Variants in DOCK9 observed in about 807,000 individuals in gnomAD.
DOCK9 encodes the protein dedicator of cytokinesis protein 9.
Under a neutral mutation model 263.3 loss-of-function variants are expected in DOCK9, and 89 were observed. That is an observed-to-expected ratio of 0.34 (90% CI 0.28 to 0.40). DOCK9 has a LOEUF of 0.40. Among genes scored for constraint, DOCK9 ranks in the 10% least tolerant of loss-of-function variants. The probability of loss-of-function intolerance (pLI) is 1.00; values close to 1 mark genes in which losing one functional copy is unlikely to be tolerated. For synonymous variants in DOCK9, 976 were observed against 973.1 expected (o/e 1.00, Z -0.06); for missense variants, 2,140 against 2,603.4 (o/e 0.82, Z 3.87).
chr13:98,967,882 T>C (rs1229126918), intron 1 of DOCK9, among the ~76,000 whole-genome samples: 1 of 152,226 alleles, frequency 6.6e-6, no homozygotes, highest in Non-Finnish European at 1.5e-5. Context: ...TTAAGTAGTA[T>C]GTAATTTATA....
chr13:98,800,280 T>A lies in DOCK9; in HGVS notation c.5916+8A>T. 6.3e-7 allele frequency: 1 copy of A among 1,589,846 alleles called. No individual in the cohort carries two copies. ...CTGCTGCCCTCCGGCCTGCTGTGCC[T>A]GGCTCACCTGAACACTCACGCTGCC... On this transcript the variant is annotated splice_region_variant and intron_variant, in intron 50 of 52. Coordinates refer to ENST00000682017, the MANE Select transcript of DOCK9 (RefSeq NM_001366683.2).
Position 98,928,662 on chromosome 13 carries a change from A to G in DOCK9, c.333+1506T>C, listed in dbSNP as rs115179092. Reference sequence around the variant, plus strand: ...TATTTTCAGCTTTGAGGGTCATATTATCTCTACTTAACTTTGAGTTGCATG... The same window carrying G: ...TATTTTCAGCTTTGAGGGTCATATTGTCTCTACTTAACTTTGAGTTGCATG... On this transcript the variant is annotated intron_variant, in intron 3 of 52. Coordinates refer to ENST00000682017, the MANE Select transcript of DOCK9 (RefSeq NM_001366683.2). 1.7e-3 allele frequency among the ~76,000 whole-genome samples: 266 copies of G among 152,360 alleles called. 1 individual carries two copies. Among genetic ancestry groups the G allele is most frequent in the African/African-American group, 6.2e-3 (258 of 41,588 alleles).
At chr13:99,015,619 TG>T in intron 1 of DOCK9, 1 of 1,581,496 alleles carries the variant, frequency 6.3e-7, no homozygotes, top group Non-Finnish European at 8.5e-7. Context: ...CCCCAAGGTG[TG>T]GATGTTCAGT....
intron 1 of DOCK9, among the ~76,000 whole-genome samples, chr13:98,974,165 G>C (rs372142740): frequency 6.6e-6 from 1 of 152,106 alleles, no homozygotes; most frequent in Non-Finnish European, 1.5e-5. Flanking sequence ...AGTTTTGAAG[G>C]GGGGTGGCGG....
intron 38 of DOCK9, among the ~76,000 whole-genome samples, chr13:98,840,410 C>CCG (rs1169086980): frequency 2.6e-5 from 4 of 152,174 alleles, no homozygotes; most frequent in African/African-American, 9.7e-5. Context: ...GACACACATG[C>CCG]CCCGGGATGC....
intron 1 of DOCK9, among the ~76,000 whole-genome samples, chr13:98,974,487 C>T (rs1398042662): frequency 5.3e-5 from 8 of 152,074 alleles, no homozygotes. Context: ...CAGTGGCTCA[C>T]ACCTGTAATC....
At position 99,074,375 on chromosome 13, in the gene DOCK9, G is replaced by C. The variant is rs981105412; in HGVS notation, c.129+11848C>G. 5.3e-5 allele frequency among the ~76,000 whole-genome samples: 8 copies of C among 152,138 alleles called. No homozygotes were observed. In the East Asian group the frequency reaches 1.5e-3, roughly 29 times the overall value. ...TCCAATGGTGTTATTCAATGTCTATGGTATTACACTGAACATCATATACAA... is the reference window on the plus strand; with the variant it reads ...TCCAATGGTGTTATTCAATGTCTATCGTATTACACTGAACATCATATACAA... On this transcript the variant is annotated intron_variant, in intron 1 of 32. Transcript: ENST00000427887.
chr13:99,077,108 C>G (rs1036103671), intron 1 of DOCK9, among the ~76,000 whole-genome samples: 1 of 152,006 alleles, frequency 6.6e-6, no homozygotes, highest in African/African-American at 2.4e-5. Flanking sequence ...GCCTTATGGT[C>G]CAAGGGAAAT....
intron 1 of DOCK9, among the ~76,000 whole-genome samples, chr13:99,068,852 G>A (rs763721623): frequency 4.6e-5 from 7 of 152,268 alleles, no homozygotes; most frequent in Non-Finnish European, 8.8e-5. Flanking sequence ...TAGTATAATA[G>A]TTTACAGATG....
chr13:98,824,180 G>A (rs1000985801), intron 45 of DOCK9, among the ~76,000 whole-genome samples: 1 of 152,228 alleles, frequency 6.6e-6, no homozygotes, highest in African/African-American at 2.4e-5. Context: ...AGCCCCTCAT[G>A]ATCTCTTTCC....
chr13:99,007,530 CAG>C (rs534533783), intron 1 of DOCK9, among the ~76,000 whole-genome samples: 35 of 152,268 alleles, frequency 2.3e-4, no homozygotes, highest in African/African-American at 7.5e-4. Flanking sequence ...TGTTTCTACT[CAG>C]TATTTCTGCT....
intron 1 of DOCK9, among the ~76,000 whole-genome samples, chr13:99,047,008 T>C (rs568738569): frequency 3.9e-5 from 6 of 152,348 alleles, no homozygotes; most frequent in African/African-American, 9.6e-5. Flanking sequence ...CTATCTCTGA[T>C]GATTAAAAGA....
chr13:98,851,427 C>T (rs1192650799), intron 35 of DOCK9, among the ~76,000 whole-genome samples: 4 of 152,146 alleles, frequency 2.6e-5, no homozygotes, highest in Non-Finnish European at 5.9e-5. Context: ...CCGGGGAGCT[C>T]AGTGCATGCT....
intron 1 of DOCK9, among the ~76,000 whole-genome samples, chr13:99,077,299 G>C (rs939114091): frequency 1.3e-5 from 2 of 152,174 alleles, no homozygotes; most frequent in African/African-American, 2.4e-5. Context: ...CCTGGTGGAA[G>C]GCGACTGAAT....
chr13:99,008,228 ATATATATTT>A (rs1366769562), intron 1 of DOCK9, among the ~76,000 whole-genome samples: 17 of 118,040 alleles, frequency 1.4e-4, no homozygotes, highest in African/African-American at 5.2e-4. Flanking sequence ...ATATATATAT[ATATATATTT>A]TTTTTTTTTT....
chr13:99,066,416 C>T (rs1027130534), intron 1 of DOCK9, among the ~76,000 whole-genome samples: 1 of 152,162 alleles, frequency 6.6e-6, no homozygotes, highest in African/African-American at 2.4e-5. Context: ...TAGAACTCCA[C>T]AAAAACTGGT....
chr13:98,897,461 G>A (rs1338992297), intron 15 of DOCK9, 27 bp downstream of exon 15: 4 of 1,611,824 alleles, frequency 2.5e-6, no homozygotes, highest in Admixed American at 1.7e-5. Context: ...TATTTTTCAG[G>A]TGTGGAAATA....
intron 1 of DOCK9, among the ~76,000 whole-genome samples, chr13:98,991,875 C>T (rs754183525): frequency 6.6e-6 from 1 of 152,032 alleles, no homozygotes; most frequent in Non-Finnish European, 1.5e-5. Flanking sequence ...AGAGACCAGG[C>T]ACAGTCAAGG....
At chr13:99,008,206 CTCTCT>C (rs1567200813) in intron 1 of DOCK9, among the ~76,000 whole-genome samples, 62 of 70,892 alleles carry the variant, frequency 8.7e-4, no homozygotes, top group African/African-American at 2.8e-3. Flanking sequence ...CTCTCTCTCT[CTCTCT>C]CTATATATAT....
Sources: gnomAD v4.1 joint callset for allele counts (sites outside exome capture counted in the v4.1 genomes callset) on GRCh38, gnomAD v4.1.1 for gene constraint, MANE v1.5 for transcripts, NCBI Gene and HGNC (gene_info 2026-07-23, HGNC 2026-07-21) for gene names.